Variants in CCSER2 observed in about 807,000 individuals in gnomAD.
CCSER2 encodes the protein coiled-coil serine rich protein 2.
Under a neutral mutation model 92.3 loss-of-function variants are expected in CCSER2, and 46 were observed. The ratio of observed to expected loss-of-function variants is 0.50; its 90% CI spans 0.39 to 0.64. The LOEUF (loss-of-function observed/expected upper bound fraction) is 0.64, where lower values mean the gene tolerates loss of function less well. CCSER2 is among the 30% of genes least tolerant of loss of function. The probability of loss-of-function intolerance (pLI) is 0.00; values close to 1 mark genes in which losing one functional copy is unlikely to be tolerated. For synonymous variants in CCSER2, 433 were observed against 431.4 expected (o/e 1.00, Z -0.04); for missense variants, 1,244 against 1,238.9 (o/e 1.00, Z -0.06).
intron 5 of CCSER2, among the ~76,000 whole-genome samples, chr10:84,437,709 A>C (rs1844260062): frequency 7.0e-6 from 1 of 143,278 alleles, no homozygotes; most frequent in Non-Finnish European, 1.5e-5. Flanking sequence ...ATTTTAGAGT[A>C]GTTTTTTTTT....
At chr10:84,342,170 G>C (rs554277419) in intron 1 of CCSER2, among the ~76,000 whole-genome samples, 10 of 152,268 alleles carry the variant, frequency 6.6e-5, no homozygotes, top group African/African-American at 2.2e-4. Flanking sequence ...GGGCTCCCCA[G>C]CTAGCAGTCC....
intron 6 of CCSER2, among the ~76,000 whole-genome samples, chr10:84,457,320 A>AT (rs575464366): frequency 0.16 from 13,213 of 80,550 alleles, 1,364 homozygotes; most frequent in Admixed American, 0.27. Flanking sequence ...TATATAATAT[A>AT]TTATATATAA....
intron 6 of CCSER2, among the ~76,000 whole-genome samples, chr10:84,448,477 TC>T (rs34581792): frequency 6.6e-6 from 1 of 152,162 alleles, no homozygotes; most frequent in African/African-American, 2.4e-5. Flanking sequence ...CTCTGAAACT[TC>T]CTGCTGGGCT....
chr10:84,393,702 T>G (rs1245125272), intron 3 of CCSER2, among the ~76,000 whole-genome samples: 3 of 152,226 alleles, frequency 2.0e-5, no homozygotes, highest in African/African-American at 7.2e-5. Flanking sequence ...AATAAATCCT[T>G]GTTAACCTTT....
intron 1 of CCSER2, among the ~76,000 whole-genome samples, chr10:84,356,210 A>G (rs141108051): frequency 2.3e-3 from 350 of 152,250 alleles, no homozygotes; most frequent in African/African-American, 7.9e-3. Flanking sequence ...AGTCCTAAGC[A>G]CAATGAGATA....
intron 3 of CCSER2, among the ~76,000 whole-genome samples, chr10:84,401,952 A>T (rs1021576110): frequency 6.6e-6 from 1 of 152,216 alleles, no homozygotes; most frequent in Admixed American, 6.5e-5. Context: ...CCTGCCTAGC[A>T]GACAGCGTTC....
At chr10:84,370,523 C>T (rs73321609) in intron 1 of CCSER2, among the ~76,000 whole-genome samples, 18,499 of 151,882 alleles carry the variant, frequency 0.12, 3,269 homozygotes, top group African/African-American at 0.39. Context: ...TGGAGGAGTC[C>T]GTAGGATTTT....
chr10:84,461,065 A>G (rs1846074617), intron 6 of CCSER2, among the ~76,000 whole-genome samples: 1 of 152,096 alleles, frequency 6.6e-6, no homozygotes, highest in African/African-American at 2.4e-5. Context: ...ATTTCATTCT[A>G]TAATTTTCCC....
At chr10:84,464,144 C>T (rs1846258696) in intron 7 of CCSER2, 128 bp downstream of exon 7, 1 of 535,936 alleles carries the variant, frequency 1.9e-6, no homozygotes, top group Admixed American at 3.5e-5. Context: ...TTAACTTTTG[C>T]TACTTTGTTA....
chr10:84,425,671 A>T lies in CCSER2; in HGVS notation c.1706-60A>T, dbSNP rs1171166519. On this transcript the variant is annotated intron_variant, in intron 4 of 9. Transcript: ENST00000372088. ...TACAGCATTTAATTATCAAGCTATA[A>T]GAGTCAACTTTTATGGAGTATGTAC... The T allele has an allele frequency of 1.5e-5, 17 of 1,171,644 alleles. No homozygotes were observed. The East Asian group carries it at 4.7e-4, about 32-fold the overall frequency. The allele number at this position is 1,171,644 out of a possible 1,614,324, so 72.6% of individuals were successfully genotyped here. A position where few individuals can be genotyped will look rare whatever the true frequency, so the allele number is the denominator to read the frequency against.
At chr10:84,390,860 C>A in intron 3 of CCSER2, 1 of 600,736 alleles carries the variant, frequency 1.7e-6, no homozygotes, top group Admixed American at 2.7e-5. Context: ...ATCATACAGA[C>A]ACAGTATAAA....
At chr10:84,421,241 G>A (rs769082148) in intron 4 of CCSER2, among the ~76,000 whole-genome samples, 11 of 152,296 alleles carry the variant, frequency 7.2e-5, no homozygotes, top group South Asian at 2.1e-4. Flanking sequence ...CTGGACTTTC[G>A]TGAGTTAGGA....
At chr10:84,411,708 G>T (rs1842658355) in intron 3 of CCSER2, among the ~76,000 whole-genome samples, 1 of 152,140 alleles carries the variant, frequency 6.6e-6, no homozygotes, top group African/African-American at 2.4e-5. Context: ...AAGCTTTGGG[G>T]CTAAGATGAT....
chr10:84,392,261 C>G (rs1475528301), intron 3 of CCSER2, among the ~76,000 whole-genome samples: 1 of 145,576 alleles, frequency 6.9e-6, no homozygotes, highest in African/African-American at 2.5e-5. Context: ...ACATGTGGAG[C>G]CTTTGTGGGT....
At chr10:84,346,104 G>T (rs1408324407) in intron 1 of CCSER2, among the ~76,000 whole-genome samples, 1 of 152,174 alleles carries the variant, frequency 6.6e-6, no homozygotes, top group African/African-American at 2.4e-5. Flanking sequence ...CACTCTTGTT[G>T]CCCAGGCTAG....
At chr10:84,381,402 C>A (rs979455543) in intron 3 of CCSER2, among the ~76,000 whole-genome samples, 1 of 152,132 alleles carries the variant, frequency 6.6e-6, no homozygotes, top group African/African-American at 2.4e-5. Context: ...TTAGATAACC[C>A]GCTTGAAAGG....
At chr10:84,402,245 A>G (rs1842157951) in intron 3 of CCSER2, among the ~76,000 whole-genome samples, 1 of 152,266 alleles carries the variant, frequency 6.6e-6, no homozygotes, top group East Asian at 1.9e-4. Context: ...TGAATACCGT[A>G]TGAGCACTCT....
At chr10:84,357,088 A>G (rs1845213146) in intron 1 of CCSER2, among the ~76,000 whole-genome samples, 1 of 152,188 alleles carries the variant, frequency 6.6e-6, no homozygotes, top group African/African-American at 2.4e-5. Flanking sequence ...CAGTGGAGGG[A>G]AAATAAACTT....
intron 6 of CCSER2, among the ~76,000 whole-genome samples, chr10:84,458,710 TAC>T (rs1389174433): frequency 2.0e-5 from 3 of 152,116 alleles, no homozygotes; most frequent in Non-Finnish European, 4.4e-5. Context: ...CTTTCACATA[TAC>T]ACACACATAT....
Sources: allele counts gnomAD v4.1 joint callset (sites outside exome capture counted in the v4.1 genomes callset), GRCh38; gene constraint gnomAD v4.1.1; transcripts MANE v1.5; gene names NCBI Gene and HGNC (gene_info 2026-07-23, HGNC 2026-07-21).